Variants in EPHA6 observed in about 807,000 individuals in gnomAD.
EPHA6 encodes the protein ephrin type-A receptor 6.
A neutral mutation model predicts 112.0 loss-of-function variants in EPHA6; 50 were observed. The ratio of observed to expected loss-of-function variants is 0.45; its 90% confidence interval spans 0.36 to 0.56. The LOEUF is 0.56. Ranked by LOEUF, EPHA6 falls within the 20% of genes least tolerant of loss-of-function variation. EPHA6 has a pLI of 0.00. For synonymous variants in EPHA6, 529 were observed against 490.7 expected, an observed-to-expected ratio of 1.08 and a Z score of -1.03; for missense variants, 1,280 against 1,417.4, an observed-to-expected ratio of 0.90 and a Z score of 1.56.
intron 14 of EPHA6, among the ~76,000 whole-genome samples, chr3:97,686,753 C>T (rs1055117405): frequency 3.9e-5 from 6 of 152,164 alleles, no homozygotes; most frequent in African/African-American, 1.2e-4. Flanking sequence ...GATAAGACTT[C>T]AAGTGTTTTT....
intron 2 of EPHA6, among the ~76,000 whole-genome samples, chr3:96,956,245 C>T (rs2041753750): frequency 6.6e-6 from 1 of 152,164 alleles, no homozygotes; most frequent in African/African-American, 2.4e-5. Flanking sequence ...CCTTCATATT[C>T]TCCCCTCTTC....
At chr3:97,465,928 T>C (rs1351413661) in intron 7 of EPHA6, among the ~76,000 whole-genome samples, 2 of 152,080 alleles carry the variant, frequency 1.3e-5, no homozygotes, top group African/African-American at 4.8e-5. Context: ...TCTAACATGC[T>C]GTCTTGCTAA....
chr3:97,401,368 T>A (rs1243244490), intron 5 of EPHA6, among the ~76,000 whole-genome samples: 1 of 151,784 alleles, frequency 6.6e-6, no homozygotes, highest in Non-Finnish European at 1.5e-5. Flanking sequence ...TCATTATGGG[T>A]CTGTTCATAT....
chr3:97,224,945 G>A (rs546591253), intron 3 of EPHA6, among the ~76,000 whole-genome samples: 36 of 151,138 alleles, frequency 2.4e-4, no homozygotes, highest in Non-Finnish European at 3.8e-4. Flanking sequence ...GCTTTTTTGG[G>A]TTTTTTTGTT....
intron 11 of EPHA6, among the ~76,000 whole-genome samples, chr3:97,571,381 A>T (rs1026563649): frequency 6.6e-6 from 1 of 152,164 alleles, no homozygotes; most frequent in Non-Finnish European, 1.5e-5. Context: ...CTTAAAAAAA[A>T]AAAAAGTTTT....
intron 5 of EPHA6, among the ~76,000 whole-genome samples, chr3:97,346,922 C>T (rs1254099031): frequency 2.0e-5 from 3 of 151,986 alleles, no homozygotes; most frequent in Non-Finnish European, 4.4e-5. Context: ...AAATGCCTGA[C>T]ACATAAAATG....
At chr3:97,646,015 G>GA (rs889131242) in intron 14 of EPHA6, 37 of 835,464 alleles carry the variant, frequency 4.4e-5, no homozygotes, top group African/African-American at 7.1e-5. Flanking sequence ...TAATCTTCAA[G>GA]AAAAAAATAT....
chr3:97,550,065 C>G (rs9833622), intron 11 of EPHA6, among the ~76,000 whole-genome samples: 2,350 of 152,252 alleles, frequency 0.015, 75 homozygotes, highest in African/African-American at 0.054. Context: ...TGGATGAAAC[C>G]TCCCTATTCT....
At chr3:97,367,007 T>TA (rs1029039137) in intron 5 of EPHA6, among the ~76,000 whole-genome samples, 17 of 152,300 alleles carry the variant, frequency 1.1e-4, no homozygotes, top group African/African-American at 3.6e-4. Context: ...ACCATCCTCT[T>TA]ATGACAGATG....
At chr3:97,598,152 T>C (rs570736112) in intron 12 of EPHA6, among the ~76,000 whole-genome samples, 1 of 151,996 alleles carries the variant, frequency 6.6e-6, no homozygotes, top group South Asian at 2.1e-4. Context: ...TTTTTATTTT[T>C]TATTTATTTA....
At chr3:97,396,596 A>C (rs1024148140) in intron 5 of EPHA6, among the ~76,000 whole-genome samples, 1 of 151,624 alleles carries the variant, frequency 6.6e-6, no homozygotes, top group African/African-American at 2.4e-5. Context: ...TCATTTTAGG[A>C]GAAAATGTAG....
chr3:97,580,293 G>A (rs1056875608), intron 11 of EPHA6, among the ~76,000 whole-genome samples: 1 of 152,104 alleles, frequency 6.6e-6, no homozygotes, highest in African/African-American at 2.4e-5. Flanking sequence ...CACCCCTAGT[G>A]GAACATTTTA....
chr3:96,903,035 A>G (rs948405751), intron 2 of EPHA6, among the ~76,000 whole-genome samples: 1 of 152,186 alleles, frequency 6.6e-6, no homozygotes, highest in African/African-American at 2.4e-5. Context: ...AGAAGAAACA[A>G]ATAAATAAAA....
chr3:97,687,524 C>T (rs541681184), intron 14 of EPHA6, among the ~76,000 whole-genome samples: 9 of 152,158 alleles, frequency 5.9e-5, no homozygotes, highest in African/African-American at 1.2e-4. Flanking sequence ...CAGAATGAGA[C>T]GCTGAGGAGT....
chr3:97,675,654 C>T (rs2031303247), intron 14 of EPHA6, among the ~76,000 whole-genome samples: 1 of 151,908 alleles, frequency 6.6e-6, no homozygotes, highest in Admixed American at 6.6e-5. Context: ...CAGTCGTTAC[C>T]CATAAACTCT....
chr3:97,222,375 A>C (rs1010178507), intron 3 of EPHA6, among the ~76,000 whole-genome samples: 1 of 152,174 alleles, frequency 6.6e-6, no homozygotes, highest in East Asian at 1.9e-4. Context: ...TATGGGTTCA[A>C]AATTTTTAGG....
At chr3:96,901,457 T>C (rs1283603389) in intron 2 of EPHA6, among the ~76,000 whole-genome samples, 2 of 151,380 alleles carry the variant, frequency 1.3e-5, no homozygotes, top group Non-Finnish European at 2.9e-5. Context: ...TGAGAAAAGA[T>C]GGGAAAATCT....
chr3:97,601,797 C>T (rs1312675910), intron 12 of EPHA6, among the ~76,000 whole-genome samples: 1 of 152,010 alleles, frequency 6.6e-6, no homozygotes, highest in African/African-American at 2.4e-5. Flanking sequence ...ATTAAAATCA[C>T]TCTGTAAATT....
intron 3 of EPHA6, among the ~76,000 whole-genome samples, chr3:97,085,913 T>TTATATATATGATGTCATATA (rs2046877726): frequency 2.4e-5 from 3 of 126,066 alleles, no homozygotes; most frequent in African/African-American, 1.3e-4. Context: ...TTGTGAGCTT[T>TTATATATATGATGTCATATA]TATATATATG....
Sources: allele counts gnomAD v4.1 joint callset (sites outside exome capture counted in the v4.1 genomes callset), GRCh38; gene constraint gnomAD v4.1.1; transcripts MANE v1.5; gene names NCBI Gene and HGNC (gene_info 2026-07-23, HGNC 2026-07-21).